Variants in NALCN observed in about 807,000 individuals in gnomAD.
NALCN encodes sodium leak channel, non-selective, also known as sodium leak channel NALCN.
In NALCN, 111 loss-of-function variants were observed where a neutral mutation model predicts 225.3. The observed-to-expected ratio is 0.49, with a 90% confidence interval of 0.42 to 0.58. NALCN has a LOEUF of 0.58. Ranked by LOEUF, NALCN falls within the 20% of genes least tolerant of loss-of-function variation. NALCN has a pLI of 0.00. For synonymous variants in NALCN, 764 were observed against 769.0 expected (o/e 0.99, Z 0.11); for missense variants, 1,378 against 2,202.4 (o/e 0.63, Z 7.49).
rs773767420 is a variant in NALCN at position 101,104,851 on chromosome 13, A to G, written c.2636+43T>C. 1 of 1,606,180 alleles carries G rather than the reference A, an allele frequency of 6.2e-7. No homozygotes were observed. Among genetic ancestry groups the G allele is most frequent in the South Asian group, 1.1e-5 (1 of 90,852 alleles). ...TGTATGCAGCATAAAATAGTACATG[A>G]AAACTTTAAATGTGCATGGAAAATG... On this transcript the variant is annotated intron_variant, in intron 23 of 43. Coordinates refer to ENST00000251127, the MANE Select transcript of NALCN (RefSeq NM_052867.4). This position sits in a 1 kb window ranked among gnomAD's most constrained non-coding sequence, Gnocchi z 4.2.
chr13:101,287,883 G>A (rs1390115114), intron 9 of NALCN, among the ~76,000 whole-genome samples: 1 of 152,142 alleles, frequency 6.6e-6, no homozygotes, highest in Non-Finnish European at 1.5e-5. Flanking sequence ...AATGGATAGT[G>A]GTAAGAGAAA....
At chr13:101,348,495 T>C (rs975745152) in intron 6 of NALCN, among the ~76,000 whole-genome samples, 6 of 152,190 alleles carry the variant, frequency 3.9e-5, no homozygotes, top group African/African-American at 1.2e-4. Flanking sequence ...AAAATGAGGA[T>C]AGTTATTGCA....
At position 101,153,655 on chromosome 13, in the gene NALCN, C is replaced by T. The variant is rs74517157; in HGVS notation, c.1840-8759G>A. On this transcript the variant is annotated intron_variant, in intron 15 of 43. Coordinates refer to ENST00000251127, the MANE Select transcript of NALCN (RefSeq NM_052867.4). ...CCCCCCCTGCCTCAGTGGGGCTGCT[C>T]TTGGCAAAGTCAGCGTATTTCCCAT... is the stretch of plus-strand genomic sequence containing the variant. Among the ~76,000 whole-genome samples, 4 of 152,166 alleles carry T rather than the reference C, an allele frequency of 2.6e-5. No individual in the cohort carries two copies. The East Asian group carries it at 7.7e-4, about 29-fold the overall frequency.
chr13:101,217,388 C>T (rs538199566), intron 13 of NALCN, among the ~76,000 whole-genome samples: 55 of 152,270 alleles, frequency 3.6e-4, no homozygotes, highest in Non-Finnish European at 7.2e-4. Flanking sequence ...AGGATTTCAT[C>T]TTGTTATTTC....
rs76438029 is a variant in NALCN, at chr13:101,365,135, T to G, written c.644+11565A>C. On this transcript the variant is annotated intron_variant, in intron 6 of 43. Coordinates refer to ENST00000251127, the MANE Select transcript of NALCN (RefSeq NM_052867.4). ...CATGCGAGCGTGGCGTACAGATTGT[T>G]TCGCCACTCAGCTAATAAGCATAGC... is the stretch of plus-strand genomic sequence containing the variant. Among the ~76,000 whole-genome samples, 1,113 of 152,302 alleles carry G rather than the reference T, an allele frequency of 7.3e-3. 14 individuals carry two copies. The highest frequency in any genetic ancestry group is 0.025 in the African/African-American group (1,054 of 41,556).
intron 6 of NALCN, among the ~76,000 whole-genome samples, chr13:101,370,679 C>T (rs547483587): frequency 6.6e-6 from 1 of 152,260 alleles, no homozygotes; most frequent in African/African-American, 2.4e-5. Context: ...TAATAGCACA[C>T]AATAAATAGT....
At chr13:101,266,943 T>A (rs1018730161) in intron 10 of NALCN, among the ~76,000 whole-genome samples, 5 of 152,232 alleles carry the variant, frequency 3.3e-5, no homozygotes, top group African/African-American at 1.2e-4. Flanking sequence ...ACTGAAAACA[T>A]AACCAGTGGA....
At chr13:101,400,775 C>T (rs1037958235) in intron 1 of NALCN, among the ~76,000 whole-genome samples, 2 of 152,026 alleles carry the variant, frequency 1.3e-5, no homozygotes, top group Non-Finnish European at 2.9e-5. Flanking sequence ...TCCTCCCACC[C>T]CCCAAAATTT....
At chr13:101,055,848 G>A (rs1023393501) in intron 43 of NALCN, among the ~76,000 whole-genome samples, 11 of 152,096 alleles carry the variant, frequency 7.2e-5, no homozygotes, top group Non-Finnish European at 1.2e-4. Context: ...CAAAAAGGAA[G>A]GAGAGTGTGA....
At chr13:101,185,717 A>G (rs1025523361) in intron 14 of NALCN, among the ~76,000 whole-genome samples, 2 of 152,220 alleles carry the variant, frequency 1.3e-5, no homozygotes, top group Non-Finnish European at 1.5e-5. Flanking sequence ...CCCAGGGGTG[A>G]TGAAATAGCC....
At chr13:101,098,310 A>G (rs1157861285) in intron 27 of NALCN, among the ~76,000 whole-genome samples, 1 of 152,166 alleles carries the variant, frequency 6.6e-6, no homozygotes, top group East Asian at 1.9e-4. Context: ...TGAACATGAA[A>G]CACGTTCTGA....
At chr13:101,067,236 G>A (rs1234603012) in intron 39 of NALCN, among the ~76,000 whole-genome samples, 2 of 138,826 alleles carry the variant, frequency 1.4e-5, no homozygotes, top group Non-Finnish European at 3.1e-5. Flanking sequence ...AGGAGGAGGA[G>A]GTAGGGGGGA....
chr13:101,363,054 T>C (rs2046291017), intron 6 of NALCN, among the ~76,000 whole-genome samples: 1 of 151,976 alleles, frequency 6.6e-6, no homozygotes, highest in South Asian at 2.1e-4. Flanking sequence ...ATCTCTACAA[T>C]GAAAACTATA....
rs35489402 is a variant in NALCN, at chr13:101,163,202, C to CTATATA, written c.1839+13092_1839+13097dup. Among the ~76,000 whole-genome samples, 380 of 150,870 alleles carry CTATATA rather than the reference C, an allele frequency of 2.5e-3. 6 individuals carry two copies. In the East Asian group the frequency reaches 0.052, roughly 21 times the overall value. On this transcript the variant is annotated intron_variant, in intron 15 of 43. Coordinates refer to ENST00000251127, the MANE Select transcript of NALCN (RefSeq NM_052867.4). ...ACAGGTGTGAGTCACCATGCCTGGC[C>CTATATA]TATATATATATATATTTTAATTGAA... is the stretch of plus-strand genomic sequence containing the variant.
At chr13:101,397,716 C>T (rs978327624) in intron 2 of NALCN, among the ~76,000 whole-genome samples, 1 of 151,346 alleles carries the variant, frequency 6.6e-6, no homozygotes, top group Non-Finnish European at 1.5e-5. Context: ...ATACACACGA[C>T]CTACAATGTA....
At chr13:101,240,701 T>G (rs2041728103) in intron 11 of NALCN, among the ~76,000 whole-genome samples, 1 of 152,166 alleles carries the variant, frequency 6.6e-6, no homozygotes, top group Non-Finnish European at 1.5e-5. Context: ...AGCGTTCATA[T>G]ATAGTGGTTG....
intron 43 of NALCN, 80 bp downstream of exon 43, chr13:101,057,859 A>G: frequency 8.9e-7 from 1 of 1,122,564 alleles, no homozygotes; most frequent in Non-Finnish European, 1.4e-6. Context: ...GCATTTTGAA[A>G]GGCAAGACCC....
intron 1 of NALCN, among the ~76,000 whole-genome samples, chr13:101,402,973 C>T (rs1046309345): frequency 6.6e-5 from 10 of 152,160 alleles, no homozygotes; most frequent in East Asian, 3.9e-4. Context: ...CGGCCTTTTT[C>T]ACCTATCCCC....
chr13:101,373,271 T>C (rs1325052080), intron 6 of NALCN, among the ~76,000 whole-genome samples: 1 of 152,168 alleles, frequency 6.6e-6, no homozygotes, highest in Admixed American at 6.5e-5. Context: ...ATATGAATCT[T>C]ATATTAACCC....
Sources: allele counts gnomAD v4.1 joint callset (sites outside exome capture counted in the v4.1 genomes callset), GRCh38; gene constraint gnomAD v4.1.1; non-coding constraint Gnocchi (gnomAD v3.1); transcripts MANE v1.5; gene names NCBI Gene and HGNC (gene_info 2026-07-23, HGNC 2026-07-21).